LRBA: variants seen among roughly 807,000 people sequenced by gnomAD.
LRBA encodes the protein lipopolysaccharide-responsive and beige-like anchor protein.
In LRBA, 176 loss-of-function variants were observed where a neutral mutation model predicts 330.0. The ratio of observed to expected loss-of-function variants is 0.53; its 90% confidence interval spans 0.47 to 0.60. LRBA has a LOEUF of 0.60. LRBA is among the 20% of genes least tolerant of loss of function. LRBA has a pLI of 0.00. For missense variants in LRBA, 3,259 were observed against 3,444.8 expected, an observed-to-expected ratio of 0.95 and a Z score of 1.35; for synonymous variants, 1,230 against 1,193.0, an observed-to-expected ratio of 1.03 and a Z score of -0.64.
At chr4:150,920,463 C>T (rs1359419043) in intron 5 of LRBA, among the ~76,000 whole-genome samples, 3 of 152,054 alleles carry the variant, frequency 2.0e-5, no homozygotes, top group Non-Finnish European at 2.9e-5. Flanking sequence ...GCAGAAGAAT[C>T]GCTTGAAACC....
intron 37 of LRBA, among the ~76,000 whole-genome samples, chr4:150,682,434 T>A (rs1783133362): frequency 6.6e-6 from 1 of 152,198 alleles, no homozygotes; most frequent in African/African-American, 2.4e-5. Flanking sequence ...GGCTGTCCTT[T>A]TGATCTCAAG....
At chr4:150,988,811 TTG>T (rs1305822782) in intron 2 of LRBA, among the ~76,000 whole-genome samples, 4 of 152,044 alleles carry the variant, frequency 2.6e-5, no homozygotes, top group African/African-American at 2.4e-5. Context: ...TCTCTTGACC[TTG>T]TGATCCACCC....
chr4:150,272,869 A>T (rs1156432253), intron 56 of LRBA, among the ~76,000 whole-genome samples: 1 of 152,204 alleles, frequency 6.6e-6, no homozygotes, highest in Non-Finnish European at 1.5e-5. Context: ...GAATGGAACC[A>T]AGTTGGAAAA....
chr4:150,453,150 TAATAAAA>T (rs1177852406), intron 44 of LRBA, among the ~76,000 whole-genome samples: 3 of 152,128 alleles, frequency 2.0e-5, no homozygotes, highest in Non-Finnish European at 4.4e-5. Context: ...AATGCAATCC[TAATAAAA>T]AATCTAGAAG....
chr4:150,840,173 A>C (rs898972820), intron 28 of LRBA, among the ~76,000 whole-genome samples: 1 of 152,222 alleles, frequency 6.6e-6, no homozygotes, highest in Non-Finnish European at 1.5e-5. Context: ...CAGACCACTA[A>C]AACTTTCTTC....
intron 47 of LRBA, 152 bp from the exon 48 acceptor site, chr4:150,350,311 C>T: frequency 3.5e-6 from 2 of 577,674 alleles, no homozygotes; most frequent in Admixed American, 3.7e-5. Context: ...GTGGCTCACG[C>T]CTATAATCCC....
chr4:150,534,013 T>C (rs1358818685), intron 40 of LRBA, among the ~76,000 whole-genome samples: 1 of 152,198 alleles, frequency 6.6e-6, no homozygotes, highest in Non-Finnish European at 1.5e-5. Flanking sequence ...CCAGTCCTTG[T>C]CTTTTCCTGT....
chr4:150,806,122 G>GAC (rs894405143), intron 33 of LRBA, 149 bp downstream of exon 33: 11 of 474,490 alleles, frequency 2.3e-5, no homozygotes, highest in African/African-American at 2.0e-4. Flanking sequence ...ATAGACATGT[G>GAC]ACACAGTCTT....
chr4:150,930,735 C>T lies in LRBA; in HGVS notation c.217-1670G>A, dbSNP rs527278724. Among the ~76,000 whole-genome samples the T allele has an allele frequency of 2.6e-5, 4 of 152,254 alleles. No homozygotes were observed. In the South Asian group the frequency reaches 6.2e-4, roughly 24 times the overall value. On this transcript the variant is annotated intron_variant, in intron 2 of 56. Transcript: ENST00000651943. ...ACCTGCATGCAGAGAGACAAGAACT[C>T]CTGGCAAGCACAGTGATAAAGACAT...
At chr4:150,986,983 C>G (rs1379884865) in intron 2 of LRBA, among the ~76,000 whole-genome samples, 1 of 152,154 alleles carries the variant, frequency 6.6e-6, no homozygotes, top group Non-Finnish European at 1.5e-5. Context: ...CCTCTGGGGC[C>G]AGGGAGTAGA....
intron 40 of LRBA, among the ~76,000 whole-genome samples, chr4:150,509,724 G>C (rs763263312): frequency 5.9e-5 from 9 of 151,886 alleles, no homozygotes; most frequent in Non-Finnish European, 1.2e-4. Context: ...ATTATAACAG[G>C]AATTACCAAT....
intron 17 of LRBA, among the ~76,000 whole-genome samples, chr4:150,880,213 C>T (rs1244972180): frequency 1.3e-5 from 2 of 152,274 alleles, no homozygotes; most frequent in South Asian, 2.1e-4. Context: ...TGAAACTGGA[C>T]CCTTACCTTT....
At chr4:150,557,556 C>T (rs1298315527) in intron 40 of LRBA, among the ~76,000 whole-genome samples, 1 of 150,294 alleles carries the variant, frequency 6.7e-6, no homozygotes, top group African/African-American at 2.5e-5. Flanking sequence ...GTCTTGATGT[C>T]TCCTTAGGCT....
At chr4:150,877,430 A>G (rs1754172397) in intron 17 of LRBA, among the ~76,000 whole-genome samples, 1 of 152,216 alleles carries the variant, frequency 6.6e-6, no homozygotes, top group South Asian at 2.1e-4. Context: ...AAAAAGGACA[A>G]AAAATGGCAT....
chr4:150,820,559 A>T (rs1745286324), intron 30 of LRBA, among the ~76,000 whole-genome samples: 1 of 152,028 alleles, frequency 6.6e-6, no homozygotes, highest in South Asian at 2.1e-4. Flanking sequence ...ATAGCTACAT[A>T]ATTAGTATAT....
intron 30 of LRBA, among the ~76,000 whole-genome samples, chr4:150,820,618 A>G (rs567338457): frequency 2.0e-5 from 3 of 152,176 alleles, no homozygotes; most frequent in East Asian, 3.9e-4. Context: ...ATTCAAATCA[A>G]TTCTAAGGAA....
At chr4:150,595,641 T>C (rs549987387) in intron 38 of LRBA, among the ~76,000 whole-genome samples, 1 of 151,948 alleles carries the variant, frequency 6.6e-6, no homozygotes, top group Non-Finnish European at 1.5e-5. Context: ...TTAATTTAAA[T>C]ATAAAATTCC....
intron 40 of LRBA, among the ~76,000 whole-genome samples, chr4:150,502,839 G>T (rs1246143440): frequency 6.6e-6 from 1 of 152,182 alleles, no homozygotes; most frequent in African/African-American, 2.4e-5. Flanking sequence ...CTGGAAAATT[G>T]GGTCACTCCC....
chr4:150,580,909 AAAGC>A (rs1351253860), intron 40 of LRBA: 2 of 153,070 alleles, frequency 1.3e-5, no homozygotes, highest in African/African-American at 2.4e-5. Context: ...AAGTCTTTTA[AAAGC>A]AAGAGTCAAT....
Sources: gnomAD v4.1 joint callset for allele counts (sites outside exome capture counted in the v4.1 genomes callset) on GRCh38, gnomAD v4.1.1 for gene constraint, MANE v1.5 for transcripts, NCBI Gene and HGNC (gene_info 2026-07-23, HGNC 2026-07-21) for gene names.